KDM5C: variants seen among roughly 807,000 people sequenced by gnomAD.
The protein encoded by KDM5C is lysine-specific demethylase 5C.
A neutral mutation model predicts 110.6 loss-of-function variants in KDM5C; 16 were observed. The ratio of observed to expected loss-of-function variants is 0.14; its 90% CI spans 0.10 to 0.22. The LOEUF is 0.22. KDM5C is among the 10% of genes least tolerant of loss of function. The pLI, the probability that KDM5C is intolerant of heterozygous loss-of-function variation, is 1.00. For synonymous variants in KDM5C, 511 were observed against 520.4 expected (o/e 0.98, Z 0.24); for missense variants, 681 against 1,300.9 (o/e 0.52, Z 7.33).
At position 53,196,973 on chromosome X, in the gene KDM5C, T is replaced by G; in HGVS notation, c.2694A>C (p.Pro898=). The G allele has an allele frequency of 8.4e-7, 1 of 1,194,579 alleles. No homozygotes were observed. Among genetic ancestry groups the G allele is most frequent in the Non-Finnish European group, 1.1e-6 (1 of 886,850 alleles). The part of the protein sequence containing the change: ...REALASLPSS[P]GLLQSLLERG... ...TCTCCAACAGGGACTGCAGTAGCCC[T>G]GGACTGGAGGGCAGTGAGGCCAGGG... Residue 898 remains proline (P), a synonymous_variant, in exon 19 of 26, where the codon CCA becomes CCC. Coordinates refer to ENST00000375401, the MANE Select transcript of KDM5C (RefSeq NM_004187.5).
At chrX:53,197,629 T>G in intron 18 of KDM5C, 142 bp downstream of exon 18, 1 of 527,758 alleles carries the variant, frequency 1.9e-6, no homozygotes, top group Non-Finnish European at 3.3e-6. Flanking sequence ...GACCCTTGCC[T>G]CACCCCTCCC....
chrX:53,198,626 G>A lies in KDM5C; in HGVS notation c.2380C>T (p.Leu794=). ...EDGRKRSLEE[L]RALESEARER... ...CGGGCTTCAGACTCTAGTGCCCTCA[G>A]TTCTTCAAGGCCTGGAAGAAAAATG... Residue 794 remains leucine, a synonymous_variant, in exon 17 of 26, where the codon CTG becomes TTG. Coordinates refer to ENST00000375401, the MANE Select transcript of KDM5C (RefSeq NM_004187.5). 1 of 1,211,916 alleles carries A rather than the reference G, an allele frequency of 8.3e-7. No homozygotes were observed.
chrX:53,225,000 G>A lies in KDM5C; in HGVS notation c.-111C>T, dbSNP rs1019958071. 3 of 982,192 alleles carry A rather than the reference G, an allele frequency of 3.1e-6. No homozygotes were observed. Among genetic ancestry groups the A allele is most frequent in the Admixed American group, 7.4e-5 (2 of 27,155 alleles). The allele number at this position is 982,192 out of a possible 1,213,427, so 80.9% of individuals were successfully genotyped here. A position where few individuals can be genotyped will look rare whatever the true frequency, so the allele number is the denominator to read the frequency against. On this transcript the variant is annotated 5_prime_UTR_variant, in exon 1 of 26. Transcript: ENST00000375401. ...AATGCTCGGAGGCTAGGCCCTAAGC[G>A]GGGCAGCCGCCGCCCGCCGAGGGCC...
chrX:53,211,440 C>T, intron 10 of KDM5C, 57 bp downstream of exon 10: 1 of 1,134,766 alleles, frequency 8.8e-7, no homozygotes, highest in Non-Finnish European at 1.2e-6. Context: ...TTTTCAGATA[C>T]TAAATGATTT....
rs1243309845 is a variant in KDM5C, at chrX:53,225,122, G to A, written c.-233C>T. On this transcript the variant is annotated 5_prime_UTR_variant, in exon 1 of 26. Transcript: ENST00000375401. The stretch of plus-strand genomic sequence containing the variant: ...TCCGTTTCTTCCAAACTGTGTGGTT[G>A]CCTCCCCACTACCGCAGCCTTCGCC... 1 of 374,462 alleles carries A rather than the reference G, an allele frequency of 2.7e-6. No homozygotes were observed. The highest frequency in any genetic ancestry group is 4.5e-6 in the Non-Finnish European group (1 of 222,277). The allele number at this position is 374,462 out of a possible 1,213,427, so 30.9% of individuals were successfully genotyped here.
chrX:53,207,986 A>G lies in KDM5C; in HGVS notation c.1746+2428T>C, dbSNP rs782436776. 9.7e-3 allele frequency among the ~76,000 whole-genome samples: 1,051 copies of G among 107,961 alleles called. 10 individuals are homozygous for G. Among genetic ancestry groups the G allele is most frequent in the Non-Finnish European group, 0.016 (832 of 51,906 alleles). The allele number at this position is 107,961 out of a possible 115,157, so 93.8% of individuals were successfully genotyped here. A position where few individuals can be genotyped will look rare whatever the true frequency, so the allele number is the denominator to read the frequency against. On this transcript the variant is annotated intron_variant, in intron 12 of 25. Coordinates refer to ENST00000375401, the MANE Select transcript of KDM5C (RefSeq NM_004187.5). ...TCTGTCTCAAAAAAAAAAAAAAAAA[A>G]AAAAGAAAAGAAAATAATACTTACA... is the stretch of plus-strand genomic sequence containing the variant.
At chrX:53,197,614 C>T (rs1335014054) in intron 18 of KDM5C, 157 bp downstream of exon 18, 1 of 496,433 alleles carries the variant, frequency 2.0e-6, no homozygotes, top group Non-Finnish European at 3.6e-6. Context: ...ACAGACAAGT[C>T]ACTAGACCCT....
Position 53,201,768 on chromosome X carries a change from T to C in KDM5C, c.1867-24A>G, listed in dbSNP as rs782138842. 2.5e-6 allele frequency: 3 copies of C among 1,209,350 alleles called. No individual in the cohort carries two copies. The African/African-American group carries it at 5.3e-5, about 21-fold the overall frequency. The stretch of plus-strand genomic sequence containing the variant: ...AACTGTGGGCAGGTTCAAGGTTGAG[T>C]GTGGCCAAGTCTGGAGGCCATGATG... On this transcript the variant is annotated intron_variant, in intron 13 of 25. Transcript: ENST00000375401.
At chrX:53,203,042 G>A (rs1556843184) in intron 12 of KDM5C, among the ~76,000 whole-genome samples, 2 of 110,574 alleles carry the variant, frequency 1.8e-5, no homozygotes, top group East Asian at 2.8e-4. Context: ...TCCTGACCTC[G>A]TGATCCGCCC....
chrX:53,179,641 T>G (rs1933980626), intron 25 of KDM5C, among the ~76,000 whole-genome samples: 2 of 111,104 alleles, frequency 1.8e-5, no homozygotes, highest in Admixed American at 1.9e-4. Flanking sequence ...AACAGACACC[T>G]CACCAAAAAA....
chrX:53,189,571 C>T (rs1934337067), downstream of KDM5C, among the ~76,000 whole-genome samples: 1 of 112,429 alleles, frequency 8.9e-6, no homozygotes, highest in Admixed American at 9.4e-5. Flanking sequence ...TTCTGGGAAG[C>T]ATGGTTAGTG....
intron 12 of KDM5C, chrX:53,202,257 TC>T (rs2073164863): frequency 3.4e-6 from 1 of 295,513 alleles, no homozygotes; most frequent in Admixed American, 5.2e-5. Flanking sequence ...TCACTTTTAA[TC>T]AAGCTGGACA....
Position 53,192,876 on chromosome X carries a change from C to CCCCCCCCCCCCCCAAAA in KDM5C, c.*90_*91insTTTTGGGGGGGGGGGGG. 2 of 987,042 alleles carry CCCCCCCCCCCCCCAAAA rather than the reference C, an allele frequency of 2.0e-6. No individual in the cohort carries two copies. Among genetic ancestry groups the CCCCCCCCCCCCCCAAAA allele is most frequent in the Admixed American group, 3.6e-5 (1 of 27,648 alleles). 81.3% of individuals were successfully genotyped at this position (987,042 alleles called of 1,213,427 possible). On this transcript the variant is annotated 3_prime_UTR_variant, in exon 26 of 26. Transcript: ENST00000375401. ...AGGGATGGCCACCCCCCTACCCGCC[C>CCCCCCCCCCCCCCAAAA]ACCCCCCAAGAAGCAGGCTTGATGG... is the stretch of plus-strand genomic sequence containing the variant.
intron 7 of KDM5C, 27 bp from the exon 8 acceptor site, chrX:53,214,874 T>C (rs2146935291): frequency 8.3e-7 from 1 of 1,206,834 alleles, no homozygotes; most frequent in African/African-American, 1.7e-5. Flanking sequence ...GCAAAAGTTC[T>C]CCATTGGAAA....
intron 1 of KDM5C, among the ~76,000 whole-genome samples, chrX:53,224,188 T>C (rs182766745): frequency 0.029 from 3,241 of 111,871 alleles, 114 homozygotes; most frequent in East Asian, 0.27. Flanking sequence ...AGACGCTACC[T>C]AGTTTAATTC....
chrX:53,189,890 AAGG>A (rs1464824049), downstream of KDM5C, among the ~76,000 whole-genome samples: 2 of 112,175 alleles, frequency 1.8e-5, no homozygotes, highest in Admixed American at 9.4e-5. Context: ...TGGAGACACT[AAGG>A]AGAAGGGGAA....
chrX:53,191,976 G>A (rs1934451814), downstream of KDM5C: 1 of 173,685 alleles, frequency 5.8e-6, no homozygotes. Context: ...GTGGCTTGGG[G>A]TTAGAGTCGG....
intron 19 of KDM5C, 143 bp downstream of exon 19, chrX:53,196,543 G>A (rs782349686): frequency 5.6e-6 from 3 of 532,423 alleles, no homozygotes; most frequent in Admixed American, 6.3e-5. Flanking sequence ...AAAACGACAA[G>A]ATAGACAACA....
chrX:53,207,959 ACT>A (rs1167332342), intron 12 of KDM5C, among the ~76,000 whole-genome samples: 1 of 87,650 alleles, frequency 1.1e-5, no homozygotes, highest in Non-Finnish European at 2.2e-5. Flanking sequence ...ACAGAGCGAG[ACT>A]CTGTCTCAAA....
Sources: gnomAD v4.1 joint callset for allele counts (sites outside exome capture counted in the v4.1 genomes callset) on GRCh38, gnomAD v4.1.1 for gene constraint, MANE v1.5 for transcripts, NCBI Gene and HGNC (gene_info 2026-07-23, HGNC 2026-07-21) for gene names.